The following CCDC88C variants were observed in gnomAD, a reference collection of about 807,000 sequenced individuals.
The protein encoded by CCDC88C is protein Daple.
A neutral mutation model predicts 198.8 loss-of-function variants in CCDC88C; 131 were observed. That is an observed-to-expected ratio of 0.66 (90% CI 0.57 to 0.76). The LOEUF is 0.76. Ranked by LOEUF, CCDC88C falls within the 30% of genes least tolerant of loss-of-function variation. The pLI is 0.00. For synonymous variants in CCDC88C, 1,166 were observed against 1,114.7 expected (o/e 1.05, Z -0.92); for missense variants, 2,553 against 2,631.6 (o/e 0.97, Z 0.65).
chr14:91,294,410 C>A, intron 22 of CCDC88C, 92 bp from the exon 23 acceptor site: 1 of 1,413,004 alleles, frequency 7.1e-7, no homozygotes, highest in Non-Finnish European at 9.7e-7. Context: ...GGCCACTGCA[C>A]AAAGATGTTC....
At chr14:91,287,704 T>C (rs907737055) in intron 25 of CCDC88C, among the ~76,000 whole-genome samples, 1 of 135,648 alleles carries the variant, frequency 7.4e-6, no homozygotes, top group African/African-American at 2.8e-5. Context: ...ATGTGCCCCC[T>C]GAAAGGCTTG....
rs531126820 is a variant in CCDC88C at position 91,374,698 on chromosome 14, T to C, written c.271-14987A>G. On this transcript the variant is annotated intron_variant, in intron 3 of 29. Coordinates refer to ENST00000389857, the MANE Select transcript of CCDC88C (RefSeq NM_001080414.4). ...CCGACCTTTGAGGCCATTCCAACAGTCTGGCAGCATCTGCAGTGGTCTCTG... is the reference window on the plus strand; with the variant it reads ...CCGACCTTTGAGGCCATTCCAACAGCCTGGCAGCATCTGCAGTGGTCTCTG... 5.9e-5 allele frequency among the ~76,000 whole-genome samples: 9 copies of C among 152,326 alleles called. No homozygotes were observed. In the South Asian group the frequency reaches 6.2e-4, roughly 11 times the overall value.
At chr14:91,416,523 T>C (rs1348090094) in intron 2 of CCDC88C, among the ~76,000 whole-genome samples, 1 of 152,134 alleles carries the variant, frequency 6.6e-6, no homozygotes, top group Admixed American at 6.6e-5. Context: ...CCAAATTTCC[T>C]TCATCAAACC....
At chr14:91,348,322 TAA>T (rs11449969) in intron 4 of CCDC88C, among the ~76,000 whole-genome samples, 5 of 117,874 alleles carry the variant, frequency 4.2e-5, no homozygotes, top group African/African-American at 1.0e-4. Context: ...CTATCTCTAT[TAA>T]AAAAAAAAAA....
intron 3 of CCDC88C, among the ~76,000 whole-genome samples, chr14:91,366,989 T>G (rs868291570): frequency 6.6e-6 from 1 of 152,204 alleles, no homozygotes; most frequent in Admixed American, 6.5e-5. Flanking sequence ...GGAAACACCG[T>G]TCTGTGCATG....
At chr14:91,389,779 A>G (rs2139974791) in intron 3 of CCDC88C, among the ~76,000 whole-genome samples, 1 of 151,828 alleles carries the variant, frequency 6.6e-6, no homozygotes, top group Non-Finnish European at 1.5e-5. Flanking sequence ...AAGAGGAGAA[A>G]AGCTTTTTCT....
chr14:91,331,710 G>A (rs1451359073), intron 10 of CCDC88C, among the ~76,000 whole-genome samples: 4 of 152,176 alleles, frequency 2.6e-5, no homozygotes, highest in Non-Finnish European at 5.9e-5. Flanking sequence ...TGTTGGGGAG[G>A]CTCCCCACGG....
intron 15 of CCDC88C, among the ~76,000 whole-genome samples, chr14:91,311,600 G>T (rs1309569380): frequency 2.0e-5 from 3 of 152,222 alleles, no homozygotes; most frequent in Admixed American, 2.0e-4. Context: ...CCAGCGCCTG[G>T]CTTCTCCCAT....
chr14:91,298,247 C>T (rs887338166), intron 21 of CCDC88C, among the ~76,000 whole-genome samples: 6 of 152,242 alleles, frequency 3.9e-5, no homozygotes, highest in Admixed American at 3.3e-4. Flanking sequence ...GCCTAGGCGA[C>T]ATAGTGAGAC....
intron 3 of CCDC88C, among the ~76,000 whole-genome samples, chr14:91,397,213 A>C (rs1035097347): frequency 6.6e-6 from 1 of 152,210 alleles, no homozygotes; most frequent in African/African-American, 2.4e-5. Flanking sequence ...TGTTCTGAGC[A>C]TCTGGGCTCG....
chr14:91,355,759 C>T (rs1437128782), intron 4 of CCDC88C, among the ~76,000 whole-genome samples: 1 of 152,148 alleles, frequency 6.6e-6, no homozygotes, highest in Non-Finnish European at 1.5e-5. Context: ...TTAAGTGAGA[C>T]ATACAGAAAA....
chr14:91,277,494 G>A (rs1035204842), intron 29 of CCDC88C, among the ~76,000 whole-genome samples: 9 of 152,222 alleles, frequency 5.9e-5, no homozygotes, highest in African/African-American at 2.2e-4. Flanking sequence ...GAATTGAGTA[G>A]CTACAACAGA....
chr14:91,274,121 A>G (rs1442845651), intron 29 of CCDC88C, among the ~76,000 whole-genome samples: 2 of 150,780 alleles, frequency 1.3e-5, no homozygotes, highest in Admixed American at 6.6e-5. Flanking sequence ...GAGGAACAAG[A>G]GCAGCTCTTG....
intron 15 of CCDC88C, among the ~76,000 whole-genome samples, chr14:91,310,690 G>A (rs1443778439): frequency 6.6e-6 from 1 of 152,138 alleles, no homozygotes; most frequent in Non-Finnish European, 1.5e-5. Flanking sequence ...GATTACAGGC[G>A]CGAGCCACTG....
In CCDC88C at chr14:91,303,944, G is replaced by T; in HGVS notation, c.3392C>A (p.Ala1131Glu). ...ENSTLSSQSAALTAQYTLLQN... is the reference protein window; with the variant it reads ...ENSTLSSQSAELTAQYTLLQN... ...CAGCAGCGTGTACTGCGCGGTGAGC[G>T]CTGCGCTCTGGGAACTCAGCGTGGA... The change falls in exon 20 of 30, where the codon GCG becomes GAG. Residue 1131 changes from alanine to glutamate, a missense_variant. Coordinates refer to ENST00000389857, the MANE Select transcript of CCDC88C (RefSeq NM_001080414.4). 1 of 1,608,702 alleles carries T rather than the reference G, an allele frequency of 6.2e-7. No individual in the cohort carries two copies.
At chr14:91,312,845 C>T (rs562104582) in intron 15 of CCDC88C, among the ~76,000 whole-genome samples, 40 of 152,260 alleles carry the variant, frequency 2.6e-4, no homozygotes, top group South Asian at 1.7e-3. Flanking sequence ...TCTGTACACA[C>T]GAGGGAAAAT....
chr14:91,291,145 C>T (rs1476284177), intron 23 of CCDC88C, 61 bp from the exon 24 acceptor site: 5 of 977,858 alleles, frequency 5.1e-6, no homozygotes, highest in East Asian at 2.6e-5. Flanking sequence ...AGTGAATTTA[C>T]TCATCGGCCC....
At chr14:91,316,611 C>T (rs1172870342) in intron 13 of CCDC88C, among the ~76,000 whole-genome samples, 9 of 152,082 alleles carry the variant, frequency 5.9e-5, no homozygotes, top group African/African-American at 1.9e-4. Flanking sequence ...TTAGTAGAGA[C>T]GGGATTTCAC....
At position 91,273,003 on chromosome 14, in the gene CCDC88C, G is replaced by A. The variant is rs1252537497; in HGVS notation, c.5709C>T (p.Ala1903=). ...EERLAPLHQS[A]TAPAIATAGA... ...CTGCAGTGGCAATGGCGGGGGCTGTGGCAGACTGATGCAGGGGGGCCAGCC... is the reference window on the plus strand; with the variant it reads ...CTGCAGTGGCAATGGCGGGGGCTGTAGCAGACTGATGCAGGGGGGCCAGCC... The change falls in exon 30 of 30, where the codon GCC becomes GCT. Residue 1903 remains alanine (A), a synonymous_variant. Coordinates refer to ENST00000389857, the MANE Select transcript of CCDC88C (RefSeq NM_001080414.4). This position sits in a 1 kb window ranked among gnomAD's most constrained non-coding sequence, Gnocchi z 5.6. The A allele has an allele frequency of 1.2e-5, 19 of 1,553,316 alleles. No individual in the cohort carries two copies. Among genetic ancestry groups the A allele is most frequent in the Admixed American group, 3.8e-5 (2 of 52,736 alleles).
Sources: gnomAD v4.1 joint callset for allele counts (sites outside exome capture counted in the v4.1 genomes callset) on GRCh38, gnomAD v4.1.1 for gene constraint, Gnocchi (gnomAD v3.1) non-coding constraint, MANE v1.5 for transcripts, NCBI Gene and HGNC (gene_info 2026-07-23, HGNC 2026-07-21) for gene names.